GABBR2: variants seen among roughly 807,000 people sequenced by gnomAD.
The protein encoded by GABBR2 is G-protein coupled receptor 51.
Under a neutral mutation model 105.6 loss-of-function variants are expected in GABBR2, and 23 were observed. The observed-to-expected ratio is 0.22, with a 90% CI of 0.16 to 0.31. The LOEUF is 0.31. Among genes scored for constraint, GABBR2 ranks in the 10% least tolerant of loss-of-function variants. The probability of loss-of-function intolerance (pLI) is 1.00; values close to 1 mark genes in which losing one functional copy is unlikely to be tolerated. For missense variants in GABBR2, 734 were observed against 1,245.5 expected, an observed-to-expected ratio of 0.59 and a Z score of 6.18; for synonymous variants, 478 against 499.7, an observed-to-expected ratio of 0.96 and a Z score of 0.58.
At chr9:98,509,481 G>A (rs1827589743) in intron 3 of GABBR2, among the ~76,000 whole-genome samples, 1 of 152,144 alleles carries the variant, frequency 6.6e-6, no homozygotes, top group Admixed American at 6.5e-5. Context: ...CGAGCTACAG[G>A]AGGAAATTCG....
In GABBR2 at chr9:98,554,952, AC is replaced by A. The variant is rs765687901; in HGVS notation, c.460-12910del. Among the ~76,000 whole-genome samples, 27 of 152,170 alleles carry A rather than the reference AC, an allele frequency of 1.8e-4. No individual in the cohort carries two copies. The East Asian group carries it at 5.0e-3, about 28-fold the overall frequency. On this transcript the variant is annotated intron_variant, in intron 2 of 18. Coordinates refer to ENST00000259455, the MANE Select transcript of GABBR2 (RefSeq NM_005458.8). ...TTTGGACAGGCTGTGTCTGAATGCC[AC>A]CTCCGCCCCTCCCTGTGCAACCTCA...
chr9:98,627,067 G>T (rs1417016759), intron 1 of GABBR2, among the ~76,000 whole-genome samples: 1 of 152,232 alleles, frequency 6.6e-6, no homozygotes, highest in African/African-American at 2.4e-5. Context: ...TCTGAGATTT[G>T]CTTCCTAAAC....
chr9:98,371,759 A>C (rs1831787000), intron 11 of GABBR2, among the ~76,000 whole-genome samples, 188 bp from the exon 12 acceptor site: 1 of 152,186 alleles, frequency 6.6e-6, no homozygotes, highest in Non-Finnish European at 1.5e-5. Context: ...TCAGCCACTT[A>C]CCAGACCCAG....
intron 4 of GABBR2, among the ~76,000 whole-genome samples, chr9:98,488,037 C>T (rs1827096912): frequency 6.6e-6 from 1 of 152,156 alleles, no homozygotes; most frequent in African/African-American, 2.4e-5. Flanking sequence ...GCTCCACTGA[C>T]TATGGCTCAC....
intron 6 of GABBR2, among the ~76,000 whole-genome samples, chr9:98,461,879 G>T (rs1826430412): frequency 6.6e-6 from 1 of 152,176 alleles, no homozygotes; most frequent in Admixed American, 6.5e-5. Flanking sequence ...AAGGGGGAAG[G>T]TGTCACACAC....
At chr9:98,367,035 C>T (rs1831689399) in intron 12 of GABBR2, among the ~76,000 whole-genome samples, 1 of 151,944 alleles carries the variant, frequency 6.6e-6, no homozygotes, top group Non-Finnish European at 1.5e-5. Flanking sequence ...AAGTAACATG[C>T]TGTAAAAATA....
intron 7 of GABBR2, among the ~76,000 whole-genome samples, chr9:98,447,211 G>A (rs1046442203): frequency 1.4e-5 from 2 of 141,090 alleles, no homozygotes; most frequent in Non-Finnish European, 3.1e-5. Flanking sequence ...ACAGGCGCCC[G>A]CCACTACGCC....
At chr9:98,513,606 A>T (rs1827698376) in intron 3 of GABBR2, among the ~76,000 whole-genome samples, 1 of 152,124 alleles carries the variant, frequency 6.6e-6, no homozygotes, top group South Asian at 2.1e-4. Context: ...GGATATGAAC[A>T]GACACTTCTC....
At chr9:98,394,054 G>A (rs1027992869) in intron 9 of GABBR2, 121 bp downstream of exon 9, 1 of 703,180 alleles carries the variant, frequency 1.4e-6, no homozygotes, top group African/African-American at 1.7e-5. Flanking sequence ...TGCATGTGTT[G>A]AGGATGTTCC....
intron 13 of GABBR2, among the ~76,000 whole-genome samples, chr9:98,351,452 C>T (rs1257346119): frequency 6.6e-6 from 1 of 152,158 alleles, no homozygotes; most frequent in Non-Finnish European, 1.5e-5. Flanking sequence ...AAGGCAGATA[C>T]CATCCTTTCA....
intron 2 of GABBR2, among the ~76,000 whole-genome samples, chr9:98,544,642 G>A (rs1828368132): frequency 6.6e-6 from 1 of 152,170 alleles, no homozygotes; most frequent in Admixed American, 6.5e-5. Context: ...CTGGAGGTGT[G>A]CAAGCAAAGA....
chr9:98,410,405 C>T (rs951092164), intron 7 of GABBR2, among the ~76,000 whole-genome samples: 10 of 152,140 alleles, frequency 6.6e-5, no homozygotes, highest in Admixed American at 2.6e-4. Flanking sequence ...ACTGGAAGCC[C>T]TGAAACTACA....
intron 1 of GABBR2, among the ~76,000 whole-genome samples, chr9:98,599,550 C>T (rs1216930111): frequency 6.6e-6 from 1 of 152,240 alleles, no homozygotes; most frequent in African/African-American, 2.4e-5. Context: ...GTGTTTTCTC[C>T]TGACCTGATG....
chr9:98,394,743 C>A (rs563264978), intron 8 of GABBR2, among the ~76,000 whole-genome samples: 7 of 152,200 alleles, frequency 4.6e-5, no homozygotes, highest in Admixed American at 6.5e-5. Context: ...CCTGCTCCCC[C>A]ACCCCAGCCC....
intron 7 of GABBR2, among the ~76,000 whole-genome samples, chr9:98,419,959 G>A (rs889084437): frequency 6.6e-6 from 1 of 151,996 alleles, no homozygotes; most frequent in Middle Eastern, 3.2e-3. Flanking sequence ...CCAAACTGAG[G>A]GATGGAGCCT....
intron 1 of GABBR2, chr9:98,606,741 A>G (rs1829428681): frequency 4.1e-6 from 1 of 244,974 alleles, no homozygotes; most frequent in Admixed American, 5.2e-5. Flanking sequence ...CGGCCCCCCA[A>G]AGTGCTGGGA....
chr9:98,600,783 C>T (rs761837146), intron 1 of GABBR2, among the ~76,000 whole-genome samples: 1 of 152,214 alleles, frequency 6.6e-6, no homozygotes, highest in Non-Finnish European at 1.5e-5. Flanking sequence ...ACTGAGTATC[C>T]ACGGAACCGT....
At chr9:98,633,126 A>C (rs1337702354) in intron 1 of GABBR2, among the ~76,000 whole-genome samples, 4 of 152,174 alleles carry the variant, frequency 2.6e-5, no homozygotes, top group Non-Finnish European at 5.9e-5. Flanking sequence ...CCAGCTTGGA[A>C]AATTCCTGAG....
rs1437020344 is a variant in GABBR2 at position 98,306,533 on chromosome 9, C to A, written c.2005-188G>T. 1.3e-5 allele frequency: 8 copies of A among 610,978 alleles called. No individual in the cohort carries two copies. The Admixed American group carries it at 1.4e-4, about 10-fold the overall frequency. The allele number at this position is 610,978 out of a possible 1,614,324, so 37.8% of individuals were successfully genotyped here. On this transcript the variant is annotated intron_variant, in intron 14 of 18. Transcript: ENST00000259455. This position sits in a 1 kb window ranked among gnomAD's most constrained non-coding sequence, Gnocchi z 5.4. Reference sequence around the variant, plus strand: ...GTCCCCACTTGTGGCCCTGCTGAGTCCTGCTGAGCAAATGCAGACTGGGGA... The same window carrying A: ...GTCCCCACTTGTGGCCCTGCTGAGTACTGCTGAGCAAATGCAGACTGGGGA...
Sources: allele counts gnomAD v4.1 joint callset (sites outside exome capture counted in the v4.1 genomes callset), GRCh38; gene constraint gnomAD v4.1.1; non-coding constraint Gnocchi (gnomAD v3.1); transcripts MANE v1.5; gene names NCBI Gene and HGNC (gene_info 2026-07-23, HGNC 2026-07-21).